Variants in CFAP95 observed in about 807,000 individuals in gnomAD.
CFAP95 encodes cilia and flagella associated protein 95, also known as cilia- and flagella-associated protein 95.
the CFAP95 span, among the ~76,000 whole-genome samples, chr9:69,824,629 G>A: frequency 6.6e-6 from 1 of 151,080 alleles, no homozygotes; most frequent in Non-Finnish European, 1.5e-5. Context: ...ATCATGCTAA[G>A]CACAAGAAGA....
At chr9:69,873,555 C>T in the CFAP95 span, among the ~76,000 whole-genome samples, 32,013 of 152,126 alleles carry the variant, frequency 0.21, 4,241 homozygotes, top group Non-Finnish European at 0.28. Context: ...AGGTAGATTC[C>T]GTGACCCGCT....
the CFAP95 span, among the ~76,000 whole-genome samples, chr9:69,874,458 C>T: frequency 1.9e-4 from 29 of 152,152 alleles, no homozygotes; most frequent in African/African-American, 4.6e-4. Flanking sequence ...AGGATTCTTT[C>T]GGTTGTAAGG....
At chr9:69,885,152 G>A in the CFAP95 span, 7 of 152,326 alleles carry the variant, frequency 4.6e-5, no homozygotes, top group Admixed American at 2.6e-4. Context: ...AGTTGGACTT[G>A]TTATTTTGGG....
the CFAP95 span, among the ~76,000 whole-genome samples, chr9:69,870,331 A>G: frequency 6.6e-6 from 1 of 152,206 alleles, no homozygotes; most frequent in African/African-American, 2.4e-5. Context: ...CAGCCAAGGA[A>G]TATGCTTGGC....
At chr9:69,900,574 A>G in the CFAP95 span, among the ~76,000 whole-genome samples, 1 of 152,164 alleles carries the variant, frequency 6.6e-6, no homozygotes, top group Non-Finnish European at 1.5e-5. Flanking sequence ...CCTGTCTGGG[A>G]TGACTCAGCC....
chr9:69,837,753 A>G, the CFAP95 span, among the ~76,000 whole-genome samples: 1 of 152,082 alleles, frequency 6.6e-6, no homozygotes, highest in South Asian at 2.1e-4. Context: ...CCATTTGTCA[A>G]TTTTGGCTTT....
At chr9:69,833,012 T>A in the CFAP95 span, among the ~76,000 whole-genome samples, 18 of 152,220 alleles carry the variant, frequency 1.2e-4, no homozygotes, top group African/African-American at 4.3e-4. Context: ...TTTAACAATT[T>A]TATTAAGATG....
At chr9:69,894,490 G>A in the CFAP95 span, among the ~76,000 whole-genome samples, 1 of 152,158 alleles carries the variant, frequency 6.6e-6, no homozygotes, top group South Asian at 2.1e-4. Flanking sequence ...GAGGAATGAA[G>A]TAACACTTAT....
the CFAP95 span, among the ~76,000 whole-genome samples, chr9:69,867,342 T>A: frequency 1.3e-5 from 2 of 152,234 alleles, no homozygotes; most frequent in Non-Finnish European, 2.9e-5. Context: ...CCATTCTTTG[T>A]TTCCTGTAAG....
the CFAP95 span, among the ~76,000 whole-genome samples, chr9:69,847,097 G>C: frequency 2.6e-5 from 4 of 152,202 alleles, no homozygotes; most frequent in Admixed American, 2.0e-4. Flanking sequence ...ACAGCAGAAA[G>C]AGGGAGTGCG....
the CFAP95 span, among the ~76,000 whole-genome samples, chr9:69,874,221 G>A: frequency 2.0e-5 from 3 of 151,998 alleles, no homozygotes; most frequent in African/African-American, 7.3e-5. Context: ...ATTAAATCAC[G>A]ATAAACACCA....
the CFAP95 span, among the ~76,000 whole-genome samples, chr9:69,866,089 T>C: frequency 2.5e-3 from 383 of 152,320 alleles, no homozygotes; most frequent in Middle Eastern, 0.01. Context: ...CTCTCAATAA[T>C]AGGCCAACTA....
the CFAP95 span, among the ~76,000 whole-genome samples, chr9:69,824,116 G>A: frequency 6.6e-5 from 10 of 152,160 alleles, no homozygotes; most frequent in Non-Finnish European, 1.0e-4. Flanking sequence ...AATAAATTCA[G>A]TATCATCTGA....
At chr9:69,841,146 G>A in the CFAP95 span, among the ~76,000 whole-genome samples, 1 of 81,654 alleles carries the variant, frequency 1.2e-5, no homozygotes, top group Non-Finnish European at 2.6e-5. Context: ...TATAAAGACA[G>A]GTATAATCCA....
At chr9:69,829,451 C>T in the CFAP95 span, among the ~76,000 whole-genome samples, 29 of 152,222 alleles carry the variant, frequency 1.9e-4, no homozygotes, top group Non-Finnish European at 3.5e-4. Flanking sequence ...CAAGATAAGC[C>T]CTGGTAAGGC....
chr9:69,885,338 A>G, the CFAP95 span, among the ~76,000 whole-genome samples: 1 of 152,066 alleles, frequency 6.6e-6, no homozygotes. Context: ...TAAGAGAATA[A>G]TTTTTCCCCT....
the CFAP95 span, among the ~76,000 whole-genome samples, chr9:69,886,235 G>T: frequency 6.6e-6 from 1 of 152,104 alleles, no homozygotes; most frequent in South Asian, 2.1e-4. Flanking sequence ...TAGAGTGCAA[G>T]AGTGGTGGTG....
At chr9:69,846,832 G>A in the CFAP95 span, among the ~76,000 whole-genome samples, 1 of 152,190 alleles carries the variant, frequency 6.6e-6, no homozygotes, top group African/African-American at 2.4e-5. Context: ...AAGAATCTGG[G>A]CCACCTAGGC....
At chr9:69,903,110 T>C in the CFAP95 span, among the ~76,000 whole-genome samples, 2 of 152,216 alleles carry the variant, frequency 1.3e-5, no homozygotes, top group African/African-American at 4.8e-5. Flanking sequence ...AGTAATGCTA[T>C]TGTGTTTCTT....
Sources: allele counts gnomAD v4.1 joint callset (sites outside exome capture counted in the v4.1 genomes callset), GRCh38; gene constraint gnomAD v4.1.1; transcripts MANE v1.5; gene names NCBI Gene and HGNC (gene_info 2026-07-23, HGNC 2026-07-21).